Variants in LRRC59 observed in about 807,000 individuals in gnomAD.
The protein encoded by LRRC59 is leucine-rich repeat-containing protein 59.
In LRRC59, 18 loss-of-function variants were observed where a neutral mutation model predicts 33.5. The ratio of observed to expected loss-of-function variants is 0.54; its 90% CI spans 0.37 to 0.80. The LOEUF (loss-of-function observed/expected upper bound fraction) is 0.80. Among genes scored for constraint, LRRC59 ranks in the 30% least tolerant of loss-of-function variants. The pLI is 0.00. For missense variants in LRRC59, 330 were observed against 391.9 expected (o/e 0.84, Z 1.33); for synonymous variants, 138 against 160.0 (o/e 0.86, Z 1.04).
chr17:50,392,962 G>C, intron 2 of LRRC59, 65 bp from the exon 3 acceptor site: 1 of 1,464,148 alleles, frequency 6.8e-7, no homozygotes, highest in South Asian at 1.2e-5. Flanking sequence ...AGCTTTAAAT[G>C]TGGCCCAATA....
At chr17:50,386,923 A>G (rs2143358768) in intron 5 of LRRC59, among the ~76,000 whole-genome samples, 1 of 152,324 alleles carries the variant, frequency 6.6e-6, no homozygotes, top group East Asian at 1.9e-4. Flanking sequence ...TACTTTCTAG[A>G]GAAGACAATA....
chr17:50,386,905 A>G (rs181763730), intron 5 of LRRC59, among the ~76,000 whole-genome samples: 11 of 152,336 alleles, frequency 7.2e-5, no homozygotes, highest in South Asian at 2.1e-4. Flanking sequence ...TCCAGTGCCT[A>G]TATCATTTAC....
chr17:50,392,535 T>C (rs1304848644), intron 3 of LRRC59, 33 bp from the exon 4 acceptor site: 1 of 1,571,112 alleles, frequency 6.4e-7, no homozygotes, highest in Non-Finnish European at 8.8e-7. Flanking sequence ...AAGAGGCTCA[T>C]TAAGCCCGAG....
intron 5 of LRRC59, among the ~76,000 whole-genome samples, chr17:50,387,524 T>C (rs1178159189): frequency 2.6e-5 from 4 of 152,060 alleles, no homozygotes; most frequent in Non-Finnish European, 5.9e-5. Context: ...TCCCAGACTG[T>C]TGTGAAGAGA....
intron 2 of LRRC59, among the ~76,000 whole-genome samples, chr17:50,394,710 C>A (rs1422087987): frequency 6.6e-6 from 1 of 152,210 alleles, no homozygotes; most frequent in Non-Finnish European, 1.5e-5. Flanking sequence ...TACCACTGTT[C>A]TGAAGAATGA....
intron 5 of LRRC59, among the ~76,000 whole-genome samples, chr17:50,387,048 G>GC (rs1914020773): frequency 6.6e-6 from 1 of 152,134 alleles, no homozygotes; most frequent in African/African-American, 2.4e-5. Context: ...AAGCCAGGAG[G>GC]CGGAGGTTGC....
At position 50,383,699 on chromosome 17, in the gene LRRC59, G is replaced by A. The variant is rs192255520; in HGVS notation, c.677-464C>T. Among the ~76,000 whole-genome samples the A allele has an allele frequency of 3.5e-3, 531 of 152,190 alleles. 6 individuals are homozygous for A. Among genetic ancestry groups the A allele is most frequent in the African/African-American group, 0.012 (508 of 41,538 alleles). On this transcript the variant is annotated intron_variant, in intron 6 of 6. Coordinates refer to ENST00000225972, the MANE Select transcript of LRRC59 (RefSeq NM_018509.4). ...GTAAGCAGTGATGATTGCTAGGAAT[G>A]GGGGAGTACAGGTGGTTGCCATTTT... is the stretch of plus-strand genomic sequence containing the variant.
chr17:50,389,361 G>A (rs1914087160), intron 4 of LRRC59, among the ~76,000 whole-genome samples: 1 of 152,150 alleles, frequency 6.6e-6, no homozygotes, highest in Non-Finnish European at 1.5e-5. Context: ...GGGATAGAGT[G>A]TAAGCTTGGA....
chr17:50,382,667 C>T lies in LRRC59; in HGVS notation c.*321G>A, dbSNP rs564427157. The T allele has an allele frequency of 8.6e-5, 28 of 325,850 alleles. No individual in the cohort carries two copies. The highest frequency in any genetic ancestry group is 7.7e-4 in the South Asian group (19 of 24,648). The allele number at this position is 325,850 out of a possible 1,614,324, so 20.2% of individuals were successfully genotyped here. A position where few individuals can be genotyped will look rare whatever the true frequency, so the allele number is the denominator to read the frequency against. The stretch of plus-strand genomic sequence containing the variant: ...GTGACAGCTGACCATTTAGTAGAAA[C>T]GAGCCTTGCCTTTACACAGCTTTAT... On this transcript the variant is annotated 3_prime_UTR_variant, in exon 7 of 7. Coordinates refer to ENST00000225972, the MANE Select transcript of LRRC59 (RefSeq NM_018509.4).
chr17:50,387,034 C>T (rs1914020306), intron 5 of LRRC59, among the ~76,000 whole-genome samples: 1 of 152,166 alleles, frequency 6.6e-6, no homozygotes, highest in Admixed American at 6.5e-5. Context: ...AGGAGAATGG[C>T]TTGAAGCCAG....
At chr17:50,390,205 G>T (rs1371028726) in intron 4 of LRRC59, among the ~76,000 whole-genome samples, 1 of 152,068 alleles carries the variant, frequency 6.6e-6, no homozygotes, top group African/African-American at 2.4e-5. Flanking sequence ...TGCCATGATT[G>T]CAGGGAGAGT....
intron 4 of LRRC59, among the ~76,000 whole-genome samples, chr17:50,391,544 GT>G (rs1329639966): frequency 2.0e-5 from 3 of 152,178 alleles, no homozygotes; most frequent in Non-Finnish European, 4.4e-5. Context: ...TATAGTTGGA[GT>G]TATTAAGAGA....
rs747583013 is a variant in LRRC59 at position 50,388,063 on chromosome 17, G to A, written c.499C>T (p.Arg167Cys). The A allele has an allele frequency of 2.3e-5, 37 of 1,614,056 alleles. No individual in the cohort carries two copies. Among genetic ancestry groups the A allele is most frequent in the Non-Finnish European group, 3.1e-5 (37 of 1,180,030 alleles). Residue 167 changes from arginine to cysteine, a missense_variant, in exon 5 of 7, where the codon CGT becomes TGT. By Grantham distance (180) the Arg-to-Cys change is radical. Coordinates refer to ENST00000225972, the MANE Select transcript of LRRC59 (RefSeq NM_018509.4). ...RERQRRLEVEREAEKKREAKQ... is the reference protein window; with the variant it reads ...RERQRRLEVECEAEKKREAKQ... Reference sequence around the variant, plus strand: ...TACAAGAGGGACAGCCACCTACCACGTTCTACTTCCAGCCGCCGCTGCCTC... The same window carrying A: ...TACAAGAGGGACAGCCACCTACCACATTCTACTTCCAGCCGCCGCTGCCTC...
At chr17:50,383,369 GA>G in intron 6 of LRRC59, 134 bp from the exon 7 acceptor site, 3 of 1,184,526 alleles carry the variant, frequency 2.5e-6, no homozygotes, top group Non-Finnish European at 1.1e-6. Context: ...GCCCTGAAGA[GA>G]AAAAATGTCT....
chr17:50,387,615 T>C (rs1914041248), intron 5 of LRRC59, among the ~76,000 whole-genome samples: 3 of 152,114 alleles, frequency 2.0e-5, no homozygotes, highest in Admixed American at 6.5e-5. Context: ...TGGTTAGAGA[T>C]GGCACCGGAG....
intron 5 of LRRC59, among the ~76,000 whole-genome samples, chr17:50,385,976 G>A (rs369611093): frequency 2.2e-4 from 33 of 152,182 alleles, no homozygotes; most frequent in Admixed American, 6.5e-4. Flanking sequence ...AGGATCTATT[G>A]AGCTCAGGAA....
Position 50,385,206 on chromosome 17 carries a change from C to G in LRRC59, c.588G>C (p.Lys196Asn), listed in dbSNP as rs1195198769. ...CATCATACTCCTTTCTCCGGCGCTC[C>G]TTCTCTTCCGCCTTCTCCCGCTTCC... Reference protein sequence around the residue: ...ELRKREKAEEKERRRKEYDAL... With the variant: ...ELRKREKAEENERRRKEYDAL... Residue 196 changes from lysine (K) to asparagine (N), a missense_variant, in exon 6 of 7, where the codon AAG becomes AAC. Coordinates refer to ENST00000225972, the MANE Select transcript of LRRC59 (RefSeq NM_018509.4). 1 of 1,614,100 alleles carries G rather than the reference C, an allele frequency of 6.2e-7. No individual in the cohort carries two copies. The highest frequency in any genetic ancestry group is 8.5e-7 in the Non-Finnish European group (1 of 1,180,050).
At position 50,381,832 on chromosome 17, in the gene LRRC59, T is replaced by C. The variant is rs1913857715; in HGVS notation, c.*1156A>G. On this transcript the variant is annotated 3_prime_UTR_variant, in exon 7 of 7. Coordinates refer to ENST00000225972, the MANE Select transcript of LRRC59 (RefSeq NM_018509.4). ...GTGTGATCCTTGTTTGTGCTAGCCA[T>C]TGGGTGATGCACCACTTTTCAGCTC... 1 of 152,686 alleles carries C rather than the reference T, an allele frequency of 6.5e-6. No individual in the cohort carries two copies. Among genetic ancestry groups the C allele is most frequent in the African/African-American group, 2.4e-5 (1 of 41,462 alleles). 9.5% of individuals were successfully genotyped at this position (152,686 alleles called of 1,614,324 possible).
chr17:50,394,910 G>A lies in LRRC59; in HGVS notation c.165+19C>T, dbSNP rs775772609. ...CATCCAAGGCACCAGAAGGAGTCACGGCTGCATGCCAATCTTACCGGTAGA... is the reference window on the plus strand; with the variant it reads ...CATCCAAGGCACCAGAAGGAGTCACAGCTGCATGCCAATCTTACCGGTAGA... On this transcript the variant is annotated intron_variant, in intron 2 of 6. Transcript: ENST00000225972. 1.3e-6 allele frequency: 2 copies of A among 1,576,646 alleles called. No homozygotes were observed. Among genetic ancestry groups the A allele is most frequent in the South Asian group, 1.1e-5 (1 of 88,006 alleles).
Sources: gnomAD v4.1 joint callset for allele counts (sites outside exome capture counted in the v4.1 genomes callset) on GRCh38, gnomAD v4.1.1 for gene constraint, MANE v1.5 for transcripts, NCBI Gene and HGNC (gene_info 2026-07-23, HGNC 2026-07-21) for gene names.